Variants in ZGRF1 observed in about 807,000 individuals in gnomAD.
The protein encoded by ZGRF1 is 5'-3' DNA helicase ZGRF1.
In ZGRF1, 196 loss-of-function variants were observed where a neutral mutation model predicts 203.5. The observed-to-expected ratio is 0.96, with a 90% CI of 0.86 to 1.08. The LOEUF (loss-of-function observed/expected upper bound fraction) is 1.08, where lower values mean the gene tolerates loss of function less well. Ranked by LOEUF, ZGRF1 falls within the 50% of genes least tolerant of loss-of-function variation. ZGRF1 has a pLI of 0.00. For missense variants in ZGRF1, 2,326 were observed against 2,416.3 expected (o/e 0.96, Z 0.78); for synonymous variants, 809 against 841.3 (o/e 0.96, Z 0.66).
At chr4:112,574,077 G>C (rs1249905155) in intron 16 of ZGRF1, among the ~76,000 whole-genome samples, 2 of 152,202 alleles carry the variant, frequency 1.3e-5, no homozygotes, top group African/African-American at 4.8e-5. Flanking sequence ...ACAATCTAAA[G>C]ATGTGTGAAG....
At chr4:112,599,168 T>C (rs961861443) in intron 10 of ZGRF1, among the ~76,000 whole-genome samples, 3 of 152,026 alleles carry the variant, frequency 2.0e-5, no homozygotes, top group Non-Finnish European at 4.4e-5. Flanking sequence ...AAATAATATA[T>C]AGAGAACCTC....
At chr4:112,607,650 T>C (rs1750971657) in intron 8 of ZGRF1, among the ~76,000 whole-genome samples, 1 of 152,174 alleles carries the variant, frequency 6.6e-6, no homozygotes, top group Non-Finnish European at 1.5e-5. Flanking sequence ...AGAAGAGCCA[T>C]TATAGGCCAG....
intron 10 of ZGRF1, among the ~76,000 whole-genome samples, chr4:112,600,129 T>C (rs1749706372): frequency 6.6e-6 from 1 of 152,054 alleles, no homozygotes; most frequent in Admixed American, 6.6e-5. Context: ...TCTCCCAGGC[T>C]CAAGCAATCC....
chr4:112,597,190 G>A lies in ZGRF1; in HGVS notation c.2976+6334C>T, dbSNP rs1578399340. On this transcript the variant is annotated intron_variant, in intron 10 of 27. Coordinates refer to ENST00000505019, the MANE Select transcript of ZGRF1 (RefSeq NM_018392.5). Reference sequence around the variant, plus strand: ...GATCACACCACTGCACTCCAGCCTGGGTGACAGAGCCAAACTCCATCTAAA... The same window carrying A: ...GATCACACCACTGCACTCCAGCCTGAGTGACAGAGCCAAACTCCATCTAAA... Among the ~76,000 whole-genome samples the A allele has an allele frequency of 2.8e-5, 4 of 145,246 alleles. No homozygotes were observed. The East Asian group carries it at 8.3e-4, about 30-fold the overall frequency.
intron 16 of ZGRF1, among the ~76,000 whole-genome samples, chr4:112,571,939 G>C (rs565506131): frequency 6.6e-6 from 1 of 152,082 alleles, no homozygotes; most frequent in Non-Finnish European, 1.5e-5. Flanking sequence ...TTAACCTACA[G>C]TATAAAATAG....
Position 112,553,988 on chromosome 4 carries a change from G to T in ZGRF1, c.5199-6C>A. 6.2e-7 allele frequency: 1 copy of T among 1,601,164 alleles called. No homozygotes were observed. Among genetic ancestry groups the T allele is most frequent in the Non-Finnish European group, 8.5e-7 (1 of 1,176,320 alleles). On this transcript the variant is annotated splice_polypyrimidine_tract_variant and splice_region_variant and intron_variant, in intron 21 of 27. Coordinates refer to ENST00000505019, the MANE Select transcript of ZGRF1 (RefSeq NM_018392.5). ...TTTCTGAGCCAGCATGCAAGCTAAA[G>T]AATTATATTAAAACACTCCTCTTTA...
At chr4:112,568,041 C>A (rs1743464489) in intron 16 of ZGRF1, among the ~76,000 whole-genome samples, 1 of 151,616 alleles carries the variant, frequency 6.6e-6, no homozygotes. Context: ...GAATCAATAG[C>A]CAATTCAGAT....
intron 14 of ZGRF1, among the ~76,000 whole-genome samples, chr4:112,584,397 A>T (rs1221299553): frequency 6.6e-6 from 1 of 152,178 alleles, no homozygotes; most frequent in African/African-American, 2.4e-5. Flanking sequence ...TGAGAATAAA[A>T]GCTTATTTGA....
At chr4:112,632,696 C>T (rs1390509659) in intron 2 of ZGRF1, among the ~76,000 whole-genome samples, 1 of 152,142 alleles carries the variant, frequency 6.6e-6, no homozygotes, top group Admixed American at 6.5e-5. Flanking sequence ...AGACGTAAGA[C>T]CCTATATACA....
chr4:112,618,518 C>T lies in ZGRF1; in HGVS notation c.1524G>A (p.Met508Ile), dbSNP rs367753632. The T allele has an allele frequency of 3.1e-6, 5 of 1,612,784 alleles. No individual in the cohort carries two copies. The highest frequency in any genetic ancestry group is 1.1e-5 in the South Asian group (1 of 90,994). The change falls in exon 6 of 28, where the codon ATG (methionine) becomes ATA (isoleucine). Residue 508 changes from methionine (M) to isoleucine (I), a missense_variant. Coordinates refer to ENST00000505019, the MANE Select transcript of ZGRF1 (RefSeq NM_018392.5). The stretch of plus-strand genomic sequence containing the variant: ...GAATACTATTAAGACTTTCATTATC[C>T]ATTTTACTTTCAGAAATCATGTCTG... Reference protein sequence around the residue: ...DITDMISESKMDNESLNSIHE... With the variant: ...DITDMISESKIDNESLNSIHE...
chr4:112,586,614 A>T (rs777386814), intron 12 of ZGRF1, 31 bp from the exon 13 acceptor site: 1 of 1,537,446 alleles, frequency 6.5e-7, no homozygotes, highest in South Asian at 1.3e-5. Context: ...TTATCATAGC[A>T]ACTCCAGAAA....
chr4:112,590,915 A>G (rs946033295), intron 10 of ZGRF1, among the ~76,000 whole-genome samples: 9 of 140,494 alleles, frequency 6.4e-5, no homozygotes, highest in African/African-American at 2.5e-4. Context: ...ACAGAGCAAG[A>G]CTCCTTCTCA....
chr4:112,599,300 T>C (rs1749549148), intron 10 of ZGRF1, among the ~76,000 whole-genome samples: 1 of 152,146 alleles, frequency 6.6e-6, no homozygotes, highest in African/African-American at 2.4e-5. Flanking sequence ...CTGCCCAAAA[T>C]TGACATGCAC....
chr4:112,586,769 T>A (rs1254837658), intron 12 of ZGRF1, among the ~76,000 whole-genome samples, 186 bp from the exon 13 acceptor site: 2 of 152,212 alleles, frequency 1.3e-5, no homozygotes, highest in Admixed American at 1.3e-4. Context: ...CGAATGGCAA[T>A]TTTAACCCTA....
intron 3 of ZGRF1, among the ~76,000 whole-genome samples, chr4:112,631,127 T>C (rs559750997): frequency 1.3e-5 from 2 of 152,206 alleles, no homozygotes; most frequent in African/African-American, 2.4e-5. Context: ...ATGCCTAGCA[T>C]ATAATAAGCA....
At chr4:112,558,462 G>A (rs1186923366) in intron 19 of ZGRF1, among the ~76,000 whole-genome samples, 153 bp from the exon 20 acceptor site, 1 of 152,156 alleles carries the variant, frequency 6.6e-6, no homozygotes, top group East Asian at 1.9e-4. Context: ...CCACCTCCCA[G>A]GTTCAAGTGA....
At chr4:112,631,334 C>T (rs1489789114) in intron 3 of ZGRF1, among the ~76,000 whole-genome samples, 1 of 151,920 alleles carries the variant, frequency 6.6e-6, no homozygotes, top group African/African-American at 2.4e-5. Context: ...TCCAATTCCA[C>T]TCCTGGAGTT....
chr4:112,569,186 G>T (rs1278651756), intron 16 of ZGRF1, among the ~76,000 whole-genome samples: 1 of 152,140 alleles, frequency 6.6e-6, no homozygotes, highest in Non-Finnish European at 1.5e-5. Flanking sequence ...CCAAATTATT[G>T]TCCAAAGAAA....
chr4:112,573,618 TG>T (rs1744623622), intron 16 of ZGRF1, among the ~76,000 whole-genome samples: 1 of 151,914 alleles, frequency 6.6e-6, no homozygotes, highest in Non-Finnish European at 1.5e-5. Flanking sequence ...AAAATATAGG[TG>T]AGTAATTTTA....
Sources: allele counts gnomAD v4.1 joint callset (sites outside exome capture counted in the v4.1 genomes callset), GRCh38; gene constraint gnomAD v4.1.1; transcripts MANE v1.5; gene names NCBI Gene and HGNC (gene_info 2026-07-23, HGNC 2026-07-21).